TNRC6B: variants seen among roughly 807,000 people sequenced by gnomAD.
TNRC6B encodes trinucleotide repeat containing adaptor 6B.
TNRC6B carries 52 observed loss-of-function variants against 203.6 expected under a neutral mutation model. The observed-to-expected ratio is 0.26, with a 90% CI of 0.20 to 0.32. The LOEUF (loss-of-function observed/expected upper bound fraction) is 0.32. Ranked by LOEUF, TNRC6B falls within the 10% of genes least tolerant of loss-of-function variation. TNRC6B has a pLI of 1.00. For missense variants in TNRC6B, 1,923 were observed against 2,286.2 expected (o/e 0.84, Z 3.24); for synonymous variants, 838 against 845.7 (o/e 0.99, Z 0.16).
intron 1 of TNRC6B, among the ~76,000 whole-genome samples, chr22:40,180,162 G>T (rs2069113895): frequency 6.6e-6 from 1 of 152,216 alleles, no homozygotes; most frequent in South Asian, 2.1e-4. Flanking sequence ...ATGTTGCATT[G>T]TGGTAGACCT....
At chr22:40,191,637 A>G (rs1425068592) in intron 1 of TNRC6B, among the ~76,000 whole-genome samples, 1 of 152,210 alleles carries the variant, frequency 6.6e-6, no homozygotes, top group Non-Finnish European at 1.5e-5. Context: ...GCTGGAGTGC[A>G]ATAGTGTGAT....
intron 1 of TNRC6B, among the ~76,000 whole-genome samples, chr22:40,237,789 A>C (rs1485446972): frequency 6.6e-6 from 1 of 151,862 alleles, no homozygotes; most frequent in South Asian, 2.1e-4. Context: ...GCCTCATGGA[A>C]GGCAGCCCCC....
intron 2 of TNRC6B, among the ~76,000 whole-genome samples, chr22:40,123,202 G>A (rs1568990036): frequency 1.3e-5 from 2 of 152,104 alleles, no homozygotes; most frequent in Admixed American, 6.6e-5. Flanking sequence ...CAGAAGTCTT[G>A]GTTAAAGCCT....
chr22:40,249,601 A>T (rs1371185669), intron 2 of TNRC6B, among the ~76,000 whole-genome samples: 1 of 152,238 alleles, frequency 6.6e-6, no homozygotes, highest in East Asian at 1.9e-4. Context: ...AACCCACATG[A>T]TAAAACATAT....
At chr22:40,299,158 C>CAAAAAAAAAAAAAAAAAAAAAAAAAAA (rs796432826) in intron 12 of TNRC6B, among the ~76,000 whole-genome samples, 1 of 103,072 alleles carries the variant, frequency 9.7e-6, no homozygotes. Flanking sequence ...AAAAAAAAAA[C>CAAAAAAAAAAAAAAAAAAAAAAAAAAA]AAAAAAAAAA....
intron 1 of TNRC6B, among the ~76,000 whole-genome samples, chr22:40,224,846 C>T (rs995858479): frequency 5.9e-5 from 9 of 152,302 alleles, no homozygotes; most frequent in African/African-American, 9.6e-5. Flanking sequence ...GTGCCTTCTC[C>T]GGGCGCCGTG....
In TNRC6B at chr22:40,155,478, G is replaced by A. The variant is rs372671920; in HGVS notation, c.46-637G>A. Reference sequence around the variant, plus strand: ...TAATTTTTGTATTTTTAGTAGAGACGGAGTTTCACCATGTTGGCCAGGATG... The same window carrying A: ...TAATTTTTGTATTTTTAGTAGAGACAGAGTTTCACCATGTTGGCCAGGATG... On this transcript the variant is annotated intron_variant, in intron 3 of 23. Coordinates refer to the TNRC6B transcript ENST00000301923. Among the ~76,000 whole-genome samples the A allele has an allele frequency of 1.6e-4, 24 of 152,214 alleles. No homozygotes were observed. The Middle Eastern group carries it at 0.01, about 65-fold the overall frequency.
intron 20 of TNRC6B, 52 bp from the exon 21 acceptor site, chr22:40,315,890 T>G: frequency 7.1e-7 from 1 of 1,409,126 alleles, no homozygotes; most frequent in Non-Finnish European, 9.9e-7. Flanking sequence ...CTCATGGCTT[T>G]TCTTGTTTTT....
At chr22:40,108,167 T>G (rs551260021) in intron 1 of TNRC6B, among the ~76,000 whole-genome samples, 1 of 152,172 alleles carries the variant, frequency 6.6e-6, no homozygotes, top group Non-Finnish European at 1.5e-5. Context: ...GTAAGCCATT[T>G]ACAGCTTCTC....
chr22:40,307,939 C>T (rs2071112547), intron 15 of TNRC6B, among the ~76,000 whole-genome samples: 1 of 152,212 alleles, frequency 6.6e-6, no homozygotes, highest in South Asian at 2.1e-4. Context: ...CATTTCTCCT[C>T]ATCCCCCACC....
intron 3 of TNRC6B, among the ~76,000 whole-genome samples, chr22:40,148,283 CTTTTT>C (rs907310952): frequency 2.3e-5 from 3 of 128,794 alleles, no homozygotes; most frequent in African/African-American, 2.9e-5. Flanking sequence ...AAAACAGTTT[CTTTTT>C]TTTTTTTTTT....
intron 2 of TNRC6B, among the ~76,000 whole-genome samples, chr22:40,124,826 A>G (rs1378732227): frequency 6.6e-6 from 1 of 152,022 alleles, no homozygotes; most frequent in Non-Finnish European, 1.5e-5. Context: ...CAGTCTATCC[A>G]ACATAGTGAA....
intron 7 of TNRC6B, among the ~76,000 whole-genome samples, chr22:40,276,599 A>G (rs536851276): frequency 6.6e-6 from 1 of 152,330 alleles, no homozygotes; most frequent in East Asian, 1.9e-4. Context: ...ACCAGGACCA[A>G]TGTCTTTTAT....
At chr22:40,208,748 G>C (rs899308933) in intron 1 of TNRC6B, among the ~76,000 whole-genome samples, 2 of 152,190 alleles carry the variant, frequency 1.3e-5, no homozygotes, top group African/African-American at 4.8e-5. Context: ...TTTTTCTCCA[G>C]AAGTTTTATT....
chr22:40,105,846 G>C (rs1372479569), intron 1 of TNRC6B, among the ~76,000 whole-genome samples: 1 of 152,130 alleles, frequency 6.6e-6, no homozygotes, highest in Non-Finnish European at 1.5e-5. Context: ...GCAGAATCAA[G>C]CCAAACCATT....
chr22:40,273,048 A>G (rs1323581053), intron 6 of TNRC6B, among the ~76,000 whole-genome samples: 2 of 152,254 alleles, frequency 1.3e-5, no homozygotes, highest in African/African-American at 4.8e-5. Context: ...GGAGGATAAA[A>G]CCAGGGCTAC....
intron 4 of TNRC6B, among the ~76,000 whole-genome samples, chr22:40,171,721 A>G: frequency 6.6e-6 from 1 of 152,122 alleles, no homozygotes. Flanking sequence ...AAAGTGAAAT[A>G]TTTACTGTGG....
rs746377046 is a variant in TNRC6B at position 40,177,966 on chromosome 22, G to T, written c.-170G>T. 6.9e-7 allele frequency: 1 copy of T among 1,455,874 alleles called. No homozygotes were observed. The highest frequency in any genetic ancestry group is 9.0e-7 in the Non-Finnish European group (1 of 1,111,042). The allele number at this position is 1,455,874 out of a possible 1,614,324, so 90.2% of individuals were successfully genotyped here. A position where few individuals can be genotyped will look rare whatever the true frequency, so the allele number is the denominator to read the frequency against. ...AGAGAGAGCAAGAGGGAGAGTGTGT[G>T]AGAGAGAGTTAGTTCAAGCCAAAAT... On this transcript the variant is annotated 5_prime_UTR_variant, in exon 1 of 23. Transcript: ENST00000454349.
intron 1 of TNRC6B, among the ~76,000 whole-genome samples, chr22:40,226,707 G>T (rs1198857717): frequency 1.3e-5 from 2 of 152,090 alleles, no homozygotes; most frequent in Non-Finnish European, 2.9e-5. Context: ...CTTATTTTTT[G>T]ATTCCTTGCC....
Sources: gnomAD v4.1 joint callset for allele counts (sites outside exome capture counted in the v4.1 genomes callset) on GRCh38, gnomAD v4.1.1 for gene constraint, MANE v1.5 for transcripts, NCBI Gene and HGNC (gene_info 2026-07-23, HGNC 2026-07-21) for gene names.